The following MRPS6 variants were observed in gnomAD, a reference collection of about 807,000 sequenced individuals.
MRPS6 encodes small ribosomal subunit protein bS6m.
MRPS6 carries 6 observed loss-of-function variants against 13.1 expected under a neutral mutation model. The ratio of observed to expected loss-of-function variants is 0.46; its 90% confidence interval spans 0.25 to 0.91. MRPS6 has a LOEUF of 0.91. Among genes scored for constraint, MRPS6 ranks in the 40% least tolerant of loss-of-function variants. MRPS6 has a pLI of 0.18. For missense variants in MRPS6, 164 were observed against 155.6 expected (o/e 1.05, Z -0.29); for synonymous variants, 61 against 56.5 (o/e 1.08, Z -0.36).
chr21:34,124,272 ACT>A, intron 1 of MRPS6: 1 of 151,820 alleles, frequency 6.6e-6, no homozygotes, highest in East Asian at 1.9e-4. Context: ...TGACAGTTGC[ACT>A]CTCTCAGCCA....
At position 34,112,036 on chromosome 21, in the gene MRPS6, G is replaced by A. The variant is rs138449087; in HGVS notation, c.46-13305G>A. ...TCTTTTACTCTGCATCTCTCCTTTT[G>A]ACTAGTGGGATGTGCATTAACTTCA... is the stretch of plus-strand genomic sequence containing the variant. On this transcript the variant is annotated intron_variant, in intron 1 of 2. Coordinates refer to ENST00000399312, the MANE Select transcript of MRPS6 (RefSeq NM_032476.4). Among the ~76,000 whole-genome samples the A allele has an allele frequency of 2.6e-5, 4 of 152,138 alleles. No individual in the cohort carries two copies. In the East Asian group the frequency reaches 7.7e-4, roughly 29 times the overall value.
Position 34,096,490 on chromosome 21 carries a change from A to C in MRPS6, c.45+22745A>C, listed in dbSNP as rs1232914551. 1 of 1,614,152 alleles carries C rather than the reference A, an allele frequency of 6.2e-7. No homozygotes were observed. The highest frequency in any genetic ancestry group is 1.7e-5 in the Admixed American group (1 of 60,016). ...ATAGCATGGGTGCCAATCATCGTGG[A>C]GATGCAAGGAGGCCAGATGTACCTT... is the stretch of plus-strand genomic sequence containing the variant. On this transcript the variant is annotated intron_variant, in intron 1 of 2. Transcript: ENST00000399312. The surrounding 1 kb of genome is among the most constrained non-coding windows in gnomAD (Gnocchi z 5.9).
intron 1 of MRPS6, among the ~76,000 whole-genome samples, chr21:34,078,352 A>T (rs1419216491): frequency 6.6e-6 from 1 of 152,168 alleles, no homozygotes; most frequent in Non-Finnish European, 1.5e-5. Flanking sequence ...TGAAGAAGGA[A>T]GGAGTCCTGT....
intron 1 of MRPS6, among the ~76,000 whole-genome samples, chr21:34,107,453 G>T (rs1363047596): frequency 6.6e-6 from 1 of 152,168 alleles, no homozygotes; most frequent in African/African-American, 2.4e-5. Flanking sequence ...TGTCCACCAG[G>T]TTTCTCCAGT....
At chr21:34,104,397 A>T (rs1487068857) in intron 1 of MRPS6, 5 of 1,000,074 alleles carry the variant, frequency 5.0e-6, no homozygotes, top group Non-Finnish European at 6.0e-6. Context: ...TAGCTTGTTT[A>T]TCAAGAATGA....
chr21:34,133,379 C>T (rs1569425372), intron 2 of MRPS6, among the ~76,000 whole-genome samples: 1 of 152,066 alleles, frequency 6.6e-6, no homozygotes. Flanking sequence ...GATTAGTGGG[C>T]AGTTGAGTTG....
chr21:34,114,438 G>C (rs1477187555), intron 1 of MRPS6, among the ~76,000 whole-genome samples: 2 of 152,194 alleles, frequency 1.3e-5, no homozygotes, highest in African/African-American at 4.8e-5. Context: ...TGAGAAGCCA[G>C]CTAGCTTCCT....
rs753096820 is a variant in MRPS6, at chr21:34,125,366, G to C, written c.71G>C (p.Arg24Pro). ...QRPETAATLK[R>P]TIEALMDRGA... ...CCAGAGACTGCTGCTACTTTGAAAC[G>C]TACGATAGAGGCCCTGATGGACAGA... The change falls in exon 2 of 3, where the codon CGT (arginine) becomes CCT (proline). Residue 24 changes from arginine (R) to proline (P), a missense_variant. Arg to Pro is a moderately radical substitution (Grantham distance 103). Transcript: ENST00000399312. 2 of 1,613,576 alleles carry C rather than the reference G, an allele frequency of 1.2e-6. No individual in the cohort carries two copies. Among genetic ancestry groups the C allele is most frequent in the Non-Finnish European group, 1.7e-6 (2 of 1,179,810 alleles).
intron 2 of MRPS6, among the ~76,000 whole-genome samples, chr21:34,133,228 C>T (rs1980567048): frequency 6.6e-6 from 1 of 152,192 alleles, no homozygotes; most frequent in African/African-American, 2.4e-5. Flanking sequence ...TCTGATATAT[C>T]TGGCTTCCTG....
intron 1 of MRPS6, among the ~76,000 whole-genome samples, chr21:34,081,110 A>G: frequency 6.6e-6 from 1 of 152,230 alleles, no homozygotes; most frequent in East Asian, 1.9e-4. Flanking sequence ...TATGGCTGAA[A>G]TAACTCAAAG....
At chr21:34,132,015 A>G (rs1980519814) in intron 2 of MRPS6, among the ~76,000 whole-genome samples, 1 of 152,228 alleles carries the variant, frequency 6.6e-6, no homozygotes, top group South Asian at 2.1e-4. Context: ...AAGGATATGT[A>G]CTGGAAGCAA....
At chr21:34,084,017 A>G (rs1989516771) in intron 1 of MRPS6, among the ~76,000 whole-genome samples, 1 of 152,140 alleles carries the variant, frequency 6.6e-6, no homozygotes, top group African/African-American at 2.4e-5. Context: ...TGCCTTTATA[A>G]TCTAGAATAC....
At chr21:34,125,158 C>G in intron 1 of MRPS6, 183 bp from the exon 2 acceptor site, 3 of 951,280 alleles carry the variant, frequency 3.2e-6, no homozygotes, top group African/African-American at 3.3e-5. Context: ...TATCTCATAT[C>G]CTTACAATAA....
At chr21:34,078,689 C>G (rs1268510996) in intron 1 of MRPS6, among the ~76,000 whole-genome samples, 1 of 152,068 alleles carries the variant, frequency 6.6e-6, no homozygotes, top group Non-Finnish European at 1.5e-5. Flanking sequence ...TGTGTTTGTA[C>G]TACTACATGT....
In MRPS6 at chr21:34,142,544, AT is replaced by A; in HGVS notation, c.324del (p.Ile108MetfsTer50). ...CCAGGAACTAAAAGAATGTGAAGGG[AT>A]TGTCCCAGTCCCACTCGCAGAAAAA... ...LTQELKECEGIVPVPLAEKLY... is the reference protein window; with the variant it reads ...LTQELKECEGXVPVPLAEKLY... On this transcript the variant is annotated frameshift_variant, in exon 3 of 3. Coordinates refer to ENST00000399312, the MANE Select transcript of MRPS6 (RefSeq NM_032476.4). LOFTEE classifies it high-confidence loss of function. 6.2e-7 allele frequency: 1 copy of A among 1,613,266 alleles called. No individual in the cohort carries two copies. The highest frequency in any genetic ancestry group is 8.5e-7 in the Non-Finnish European group (1 of 1,179,730).
intron 1 of MRPS6, among the ~76,000 whole-genome samples, chr21:34,074,183 C>T (rs1451939672): frequency 2.7e-5 from 4 of 150,170 alleles, no homozygotes; most frequent in Non-Finnish European, 4.5e-5. Flanking sequence ...CCTGGTCCGT[C>T]CCGCTCCGCC....
At chr21:34,093,851 C>G (rs1003967248) in intron 1 of MRPS6, among the ~76,000 whole-genome samples, 1 of 152,064 alleles carries the variant, frequency 6.6e-6, no homozygotes, top group Non-Finnish European at 1.5e-5. Context: ...TGAAAAATTC[C>G]TGATGGTCCT....
chr21:34,088,799 T>C (rs1893652), intron 1 of MRPS6, among the ~76,000 whole-genome samples: 123,691 of 152,076 alleles, frequency 0.81, 52,817 homozygotes, highest in East Asian at 0.94. Context: ...ATGATTGTTA[T>C]AAGGATTAAA....
At chr21:34,090,090 G>A (rs1331748352) in intron 1 of MRPS6, among the ~76,000 whole-genome samples, 1 of 152,156 alleles carries the variant, frequency 6.6e-6, no homozygotes. Flanking sequence ...TTTTGGATTT[G>A]GGAGGAGCAT....
Sources: gnomAD v4.1 joint callset for allele counts (sites outside exome capture counted in the v4.1 genomes callset) on GRCh38, gnomAD v4.1.1 for gene constraint, Gnocchi (gnomAD v3.1) non-coding constraint, MANE v1.5 for transcripts, NCBI Gene and HGNC (gene_info 2026-07-23, HGNC 2026-07-21) for gene names.